The following CCDC149 variants were observed in gnomAD, a reference collection of about 807,000 sequenced individuals.
CCDC149 encodes coiled-coil domain-containing protein 149.
Under a neutral mutation model 59.9 loss-of-function variants are expected in CCDC149, and 45 were observed. The observed-to-expected ratio is 0.75, with a 90% CI of 0.59 to 0.96. CCDC149 has a LOEUF of 0.96. Among genes scored for constraint, CCDC149 ranks in the 40% least tolerant of loss-of-function variants. The pLI is 0.00. For missense variants in CCDC149, 584 were observed against 664.7 expected (o/e 0.88, Z 1.33); for synonymous variants, 245 against 260.6 (o/e 0.94, Z 0.58).
intron 4 of CCDC149, among the ~76,000 whole-genome samples, chr4:24,845,666 T>C (rs531590533): frequency 1.3e-5 from 2 of 152,236 alleles, no homozygotes; most frequent in East Asian, 1.9e-4. Context: ...CAGGGACTCA[T>C]TGATATTGTT....
chr4:24,870,006 A>G (rs2109229810), intron 3 of CCDC149, among the ~76,000 whole-genome samples: 1 of 152,322 alleles, frequency 6.6e-6, no homozygotes, highest in South Asian at 2.1e-4. Flanking sequence ...CCATGGCTGC[A>G]TTTTCTGCTT....
Position 24,808,515 on chromosome 4 carries a change from C to A in CCDC149, c.1497G>T (p.Gln499His). 1 of 1,533,506 alleles carries A rather than the reference C, an allele frequency of 6.5e-7. No homozygotes were observed. The highest frequency in any genetic ancestry group is 8.8e-7 in the Non-Finnish European group (1 of 1,138,776). 95.0% of individuals were successfully genotyped at this position (1,533,506 alleles called of 1,614,324 possible). The change falls in exon 13 of 13, where the codon CAG (glutamine) becomes CAT (histidine). Residue 499 changes from glutamine to histidine, a missense_variant. Coordinates refer to ENST00000635206, the MANE Select transcript of CCDC149 (RefSeq NM_001330643.2). Reference sequence around the variant, plus strand: ...CCAGGTGAGATTTAGGGAGCTCCCCCTGGATGGCCAGGCCTGGCGGGGCTG... The same window carrying A: ...CCAGGTGAGATTTAGGGAGCTCCCCATGGATGGCCAGGCCTGGCGGGGCTG...
chr4:24,903,573 ACT>A (rs1458555093), intron 1 of CCDC149, among the ~76,000 whole-genome samples: 1 of 152,198 alleles, frequency 6.6e-6, no homozygotes, highest in African/African-American at 2.4e-5. Flanking sequence ...TTTGAAAAAT[ACT>A]GAGTTTACTG....
intron 12 of CCDC149, 102 bp from the exon 13 acceptor site, chr4:24,808,921 T>C: frequency 1.7e-6 from 2 of 1,146,566 alleles, no homozygotes; most frequent in Non-Finnish European, 2.4e-6. Context: ...ACAGGGCCTC[T>C]GAAAAAGGAG....
At chr4:24,805,785 G>C (rs1194904780), downstream of CCDC149, among the ~76,000 whole-genome samples, 1 of 152,240 alleles carries the variant, frequency 6.6e-6, no homozygotes, top group Admixed American at 6.5e-5. Context: ...ACACACGTAT[G>C]TGGGAAGAAA....
chr4:24,926,025 C>T (rs1722426314), intron 1 of CCDC149, among the ~76,000 whole-genome samples: 1 of 151,956 alleles, frequency 6.6e-6, no homozygotes, highest in Admixed American at 6.6e-5. Flanking sequence ...AACCCTGTCT[C>T]TACTAAAAAA....
intron 4 of CCDC149, among the ~76,000 whole-genome samples, chr4:24,852,284 CCATACACACACACACACACACACA>C (rs1320817041): frequency 1.8e-5 from 2 of 109,276 alleles, no homozygotes; most frequent in African/African-American, 6.6e-5. Context: ...CTCCAACACA[CCATACACACACACACACACACACA>C]CACACACACA....
chr4:24,967,441 G>A (rs943646190), intron 1 of CCDC149, among the ~76,000 whole-genome samples: 3 of 152,080 alleles, frequency 2.0e-5, no homozygotes, highest in East Asian at 1.9e-4. Flanking sequence ...CACCCCCTTC[G>A]CATGCAGCTG....
intron 1 of CCDC149, among the ~76,000 whole-genome samples, chr4:24,925,254 G>A (rs942785598): frequency 6.6e-6 from 1 of 152,188 alleles, no homozygotes; most frequent in Non-Finnish European, 1.5e-5. Flanking sequence ...CTGAAATGTG[G>A]GGACAGCTTA....
In CCDC149 at chr4:24,907,196, T is replaced by C. The variant is rs144048679; in HGVS notation, c.63+5621A>G. On this transcript the variant is annotated intron_variant, in intron 1 of 12. Coordinates refer to ENST00000635206, the MANE Select transcript of CCDC149 (RefSeq NM_001330643.2). ...TGCTGCCTTGCCCGGCAGAGGCCTA[T>C]GCACTCATAAGCATTATTATTTCAT... Among the ~76,000 whole-genome samples the C allele has an allele frequency of 1.8e-3, 275 of 152,352 alleles. 1 individual carries two copies. The highest frequency in any genetic ancestry group is 6.2e-3 in the African/African-American group (258 of 41,594).
intron 6 of CCDC149, 152 bp from the exon 7 acceptor site, chr4:24,836,660 C>T: frequency 1.7e-6 from 1 of 586,852 alleles, no homozygotes; most frequent in Non-Finnish European, 3.0e-6. Context: ...GAAACATGTG[C>T]ATCTTTGTGA....
chr4:24,976,628 G>C (rs1167335153), intron 1 of CCDC149, among the ~76,000 whole-genome samples: 3 of 152,152 alleles, frequency 2.0e-5, no homozygotes, highest in Non-Finnish European at 4.4e-5. Context: ...CAGGAGAATT[G>C]CTTGAACCCA....
intron 9 of CCDC149, 21 bp from the exon 10 acceptor site, chr4:24,822,594 G>A: frequency 6.6e-7 from 1 of 1,514,024 alleles, no homozygotes; most frequent in Non-Finnish European, 8.9e-7. Flanking sequence ...GGGAGAAAAT[G>A]ACAATCAATT....
chr4:24,825,813 G>C (rs912672391), intron 9 of CCDC149, among the ~76,000 whole-genome samples: 8 of 151,892 alleles, frequency 5.3e-5, no homozygotes, highest in African/African-American at 1.9e-4. Flanking sequence ...AAACTGTAGA[G>C]CAGAAATGAA....
intron 1 of CCDC149, among the ~76,000 whole-genome samples, chr4:24,927,962 C>CA (rs760743304): frequency 3.3e-5 from 5 of 151,948 alleles, no homozygotes; most frequent in East Asian, 3.9e-4. Context: ...AGGATAGAAC[C>CA]AAAAAAACCT....
chr4:24,885,388 C>T (rs1032848749), intron 1 of CCDC149, among the ~76,000 whole-genome samples: 1 of 152,184 alleles, frequency 6.6e-6, no homozygotes, highest in Non-Finnish European at 1.5e-5. Context: ...TGCAGACACA[C>T]CTTTGGATCC....
intron 1 of CCDC149, among the ~76,000 whole-genome samples, chr4:24,886,193 A>G (rs1720169127): frequency 2.6e-5 from 4 of 152,220 alleles, no homozygotes; most frequent in Admixed American, 2.6e-4. Context: ...AATATATTGG[A>G]AGGATACTGG....
intron 12 of CCDC149, among the ~76,000 whole-genome samples, chr4:24,816,611 G>T (rs939815597): frequency 2.0e-5 from 3 of 152,020 alleles, no homozygotes; most frequent in Non-Finnish European, 4.4e-5. Flanking sequence ...TTCTATAAAA[G>T]ATTTCTGAAC....
rs551052999 is a variant in CCDC149, at chr4:24,903,008, G to C, written c.63+9809C>G. Among the ~76,000 whole-genome samples, 6 of 105,010 alleles carry C rather than the reference G, an allele frequency of 5.7e-5. No individual in the cohort carries two copies. The East Asian group carries it at 1.6e-3, about 29-fold the overall frequency. The allele number at this position is 105,010 out of a possible 152,430, so 68.9% of individuals were successfully genotyped here. A position where few individuals can be genotyped will look rare whatever the true frequency, so the allele number is the denominator to read the frequency against. ...CCATTACACTCCAGCCTGGGCAACAGAGTGAGAGTCTAACTCAAAAAAAAA... is the reference window on the plus strand; with the variant it reads ...CCATTACACTCCAGCCTGGGCAACACAGTGAGAGTCTAACTCAAAAAAAAA... On this transcript the variant is annotated intron_variant, in intron 1 of 12. Coordinates refer to ENST00000635206, the MANE Select transcript of CCDC149 (RefSeq NM_001330643.2).
Sources: gnomAD v4.1 joint callset for allele counts (sites outside exome capture counted in the v4.1 genomes callset) on GRCh38, gnomAD v4.1.1 for gene constraint, MANE v1.5 for transcripts, NCBI Gene and HGNC (gene_info 2026-07-23, HGNC 2026-07-21) for gene names.